Variants in SELENBP1 observed in about 807,000 individuals in gnomAD.
SELENBP1 encodes methanethiol oxidase.
Under a neutral mutation model 61.0 loss-of-function variants are expected in SELENBP1, and 71 were observed. The ratio of observed to expected loss-of-function variants is 1.16; its 90% CI spans 0.96 to 1.42. The LOEUF (loss-of-function observed/expected upper bound fraction) is 1.42. SELENBP1 is among the 40% of genes most tolerant of loss of function. SELENBP1 has a pLI of 0.00. For missense variants in SELENBP1, 561 were observed against 605.0 expected (o/e 0.93, Z 0.76); for synonymous variants, 270 against 238.9 (o/e 1.13, Z -1.20).
chr1:151,367,361 G>GAAAAAAAAAAAAAAAAAAAAAA (rs1651894290), intron 5 of SELENBP1: 1 of 35,180 alleles, frequency 2.8e-5, no homozygotes, highest in African/African-American at 1.1e-4. Context: ...AAAAAAAAAA[G>GAAAAAAAAAAAAAAAAAAAAAA]AGAAAAGAAA....
chr1:151,365,951 A>T (rs1651794437), intron 7 of SELENBP1, 105 bp from the exon 8 acceptor site: 1 of 1,213,128 alleles, frequency 8.2e-7, no homozygotes, highest in African/African-American at 1.5e-5. Context: ...GAGGGAGAGA[A>T]TAGATGCCCG....
chr1:151,370,084 C>T, intron 1 of SELENBP1: 1 of 1,162,888 alleles, frequency 8.6e-7, no homozygotes, highest in South Asian at 2.2e-5. Flanking sequence ...CGGGGCCCAA[C>T]CCCAGCCCAC....
Position 151,364,684 on chromosome 1 carries a change from C to G in SELENBP1, c.1278G>C (p.Gln426His). 5 of 1,597,846 alleles carry G rather than the reference C, an allele frequency of 3.1e-6. No homozygotes were observed. The highest frequency in any genetic ancestry group is 4.3e-6 in the Non-Finnish European group (5 of 1,170,776). The change falls in exon 12 of 12, where the codon CAG (glutamine) becomes CAC (histidine). Residue 426 changes from glutamine (Q) to histidine (H), a missense_variant. Coordinates refer to ENST00000368868, the MANE Select transcript of SELENBP1 (RefSeq NM_003944.4). ...CTCCTTTTACTGTGTCTACATCAAC[C>G]TGCAGCATCACAGAGCCTTCCCTGG... is the stretch of plus-strand genomic sequence containing the variant. ...DLIREGSVML[Q>H]VDVDTVKGGL...
intron 1 of SELENBP1, chr1:151,370,146 A>T (rs1484195603): frequency 1.7e-5 from 9 of 544,182 alleles, no homozygotes; most frequent in Non-Finnish European, 2.5e-5. Flanking sequence ...CTCGACCTCA[A>T]TTTCTGCATC....
rs1652010391 is a variant in SELENBP1, at chr1:151,369,110, C to T, written c.254G>A (p.Gly85Asp). Residue 85 changes from glycine to aspartate, a missense_variant, in exon 4 of 12, where the codon GGT (glycine) becomes GAT (aspartate). Transcript: ENST00000368868. ...SGWNTCSSCF[G>D]DSTKSRTKLV... is the part of the protein sequence containing the mutation. ...CTTGGTGCGCGACTTGGTGCTATCA[C>T]CGAAGCAGCTGCTGCAGGTGTTCCA... 6.2e-7 allele frequency: 1 copy of T among 1,614,072 alleles called. No individual in the cohort carries two copies. The highest frequency in any genetic ancestry group is 2.2e-5 in the East Asian group (1 of 44,880).
chr1:151,368,319 C>T lies in SELENBP1; in HGVS notation c.361G>A (p.Val121Ile), dbSNP rs1411762026. 4 of 1,614,032 alleles carry T rather than the reference C, an allele frequency of 2.5e-6. No homozygotes were observed. The highest frequency in any genetic ancestry group is 1.1e-5 in the South Asian group (1 of 91,078). The part of the protein sequence containing the change: ...SEPRAPKLHK[V>I]IEPKDIHAKC... ...GCATGGATGTCCTTGGGCTCAATGA[C>T]CTGGAAGGGGTGGGGAATGGTGTCA... is the stretch of plus-strand genomic sequence containing the variant. The change falls in exon 5 of 12, where the codon GTC (valine) becomes ATC (isoleucine). Residue 121 changes from valine to isoleucine, a missense_variant and splice_region_variant. Physicochemically the swap from Val to Ile is conservative, Grantham distance 29 (BLOSUM62 3). Transcript: ENST00000368868.
intron 5 of SELENBP1, among the ~76,000 whole-genome samples, chr1:151,367,931 T>C (rs1651939699): frequency 6.6e-6 from 1 of 152,172 alleles, no homozygotes; most frequent in South Asian, 2.1e-4. Context: ...CCTCTTGAAG[T>C]GCTGGGATTA....
intron 1 of SELENBP1, among the ~76,000 whole-genome samples, chr1:151,370,448 G>A (rs2102100999): frequency 6.6e-6 from 1 of 152,288 alleles, no homozygotes; most frequent in South Asian, 2.1e-4. Flanking sequence ...AATACCAACT[G>A]GAAGTCCTCA....
intron 1 of SELENBP1, 85 bp from the exon 2 acceptor site, chr1:151,369,854 C>G (rs746448539): frequency 1.3e-6 from 2 of 1,551,532 alleles, no homozygotes; most frequent in South Asian, 2.4e-5. Context: ...CACATCCCAG[C>G]GGGCCACGGC....
At chr1:151,369,686 G>A (rs939686277) in intron 2 of SELENBP1, 27 bp downstream of exon 2, 12 of 1,549,486 alleles carry the variant, frequency 7.7e-6, no homozygotes, top group Admixed American at 3.9e-5. Context: ...GTAGTAGGGC[G>A]CTGGCTCTCA....
chr1:151,368,447 C>T, intron 4 of SELENBP1, 128 bp from the exon 5 acceptor site: 1 of 1,299,152 alleles, frequency 7.7e-7, no homozygotes. Flanking sequence ...ACACAACTCT[C>T]CCTGTGGGAA....
chr1:151,364,820 T>A, intron 11 of SELENBP1, 106 bp downstream of exon 11: 1 of 1,483,098 alleles, frequency 6.7e-7, no homozygotes, highest in Non-Finnish European at 9.2e-7. Flanking sequence ...CAATGGGCCA[T>A]CTGTGTGGTG....
At chr1:151,364,827 G>C in intron 11 of SELENBP1, 99 bp downstream of exon 11, 1 of 1,482,340 alleles carries the variant, frequency 6.7e-7, no homozygotes, top group East Asian at 2.3e-5. Context: ...CCATCTGTGT[G>C]GTGGGGTACA....
rs758535758 is a variant in SELENBP1 at position 151,366,906 on chromosome 1, TGAACAGG to T, written c.482-9_482-3del. On this transcript the variant is annotated splice_polypyrimidine_tract_variant and splice_region_variant and intron_variant, in intron 5 of 11. Transcript: ENST00000368868. ...CCCCATCCAGCAGCACAAAACCCCC[TGAACAGG>T]GAAGGAAGCAGGGTGGCAGGTAGAA... 6.2e-7 allele frequency: 1 copy of T among 1,613,118 alleles called. No homozygotes were observed. The highest frequency in any genetic ancestry group is 1.1e-5 in the South Asian group (1 of 90,976).
chr1:151,372,351 T>A (rs1411627995), intron 1 of SELENBP1, among the ~76,000 whole-genome samples: 1 of 152,162 alleles, frequency 6.6e-6, no homozygotes, highest in East Asian at 1.9e-4. Context: ...TTTTCCCAGC[T>A]GCAGAAAGGC....
Position 151,369,079 on chromosome 1 carries a change from C to G in SELENBP1, c.285G>C (p.Val95=). Residue 95 remains valine, a synonymous_variant, in exon 4 of 12, where the codon GTG becomes GTC. Coordinates refer to ENST00000368868, the MANE Select transcript of SELENBP1 (RefSeq NM_003944.4). ...TGCGAGAGGAGATGAGACTGGGCAG[C>G]ACCAGCTTGGTGCGCGACTTGGTGC... ...GDSTKSRTKL[V]LPSLISSRIY... 1 of 1,614,028 alleles carries G rather than the reference C, an allele frequency of 6.2e-7. No individual in the cohort carries two copies. Among genetic ancestry groups the G allele is most frequent in the South Asian group, 1.1e-5 (1 of 91,082 alleles).
chr1:151,368,099 A>G, intron 5 of SELENBP1, 100 bp downstream of exon 5: 1 of 1,501,954 alleles, frequency 6.7e-7, no homozygotes, highest in South Asian at 1.2e-5. Flanking sequence ...TTGGGAAGTC[A>G]TTCCAACCCT....
chr1:151,371,447 A>G (rs1217462626), intron 1 of SELENBP1, among the ~76,000 whole-genome samples: 1 of 151,550 alleles, frequency 6.6e-6, no homozygotes, highest in African/African-American at 2.4e-5. Flanking sequence ...CTGTGTAAAT[A>G]TGGGAAGGGC....
intron 4 of SELENBP1, 70 bp from the exon 5 acceptor site, chr1:151,368,389 C>T: frequency 6.4e-7 from 1 of 1,573,852 alleles, no homozygotes; most frequent in Non-Finnish European, 8.7e-7. Flanking sequence ...CTCCATACTT[C>T]CCCTACTTCT....
Sources: allele counts gnomAD v4.1 joint callset (sites outside exome capture counted in the v4.1 genomes callset), GRCh38; gene constraint gnomAD v4.1.1; transcripts MANE v1.5; gene names NCBI Gene and HGNC (gene_info 2026-07-23, HGNC 2026-07-21).